RAPH1: variants seen among roughly 807,000 people sequenced by gnomAD.
RAPH1 encodes the protein Ras association (RalGDS/AF-6) and pleckstrin homology domains 1.
A neutral mutation model predicts 88.1 loss-of-function variants in RAPH1; 18 were observed. The observed-to-expected ratio is 0.20, with a 90% CI of 0.14 to 0.30. The LOEUF is 0.30. Ranked by LOEUF, RAPH1 falls within the 10% of genes least tolerant of loss-of-function variation. The pLI is 1.00. For synonymous variants in RAPH1, 587 were observed against 559.0 expected (o/e 1.05, Z -0.71); for missense variants, 1,448 against 1,543.2 (o/e 0.94, Z 1.03).
intron 1 of RAPH1, among the ~76,000 whole-genome samples, chr2:203,521,737 C>G (rs77317676): frequency 7.9e-5 from 12 of 152,124 alleles, no homozygotes; most frequent in Non-Finnish European, 1.6e-4. Context: ...AACACCCCCC[C>G]ACACATTATA....
chr2:203,502,592 C>T (rs1280308200), intron 1 of RAPH1, among the ~76,000 whole-genome samples: 8 of 152,152 alleles, frequency 5.3e-5, no homozygotes, highest in African/African-American at 1.4e-4. Flanking sequence ...GAGGCCGAGG[C>T]GGGCGGATCA....
chr2:203,531,401 TAA>T (rs34572980), intron 1 of RAPH1, among the ~76,000 whole-genome samples: 10 of 147,530 alleles, frequency 6.8e-5, no homozygotes, highest in African/African-American at 2.2e-4. Flanking sequence ...ACTTGAAGTA[TAA>T]AAAAAAAAAT....
At chr2:203,490,196 C>G in intron 3 of RAPH1, 107 bp from the exon 4 acceptor site, 1 of 1,114,840 alleles carries the variant, frequency 9.0e-7, no homozygotes, top group South Asian at 1.9e-5. Context: ...GGGCCTAAAG[C>G]AAATAAAATT....
intron 1 of RAPH1, among the ~76,000 whole-genome samples, chr2:203,526,965 G>C (rs1690150505): frequency 6.6e-6 from 1 of 151,890 alleles, no homozygotes; most frequent in Non-Finnish European, 1.5e-5. Context: ...TGTGTTTTTA[G>C]TAGAGACAGG....
chr2:203,505,757 A>G (rs555620362), intron 1 of RAPH1, among the ~76,000 whole-genome samples: 6 of 152,340 alleles, frequency 3.9e-5, no homozygotes, highest in South Asian at 4.1e-4. Context: ...GTGAGACAGT[A>G]AATTTCTGTT....
At chr2:203,482,040 A>G (rs1687755223) in intron 4 of RAPH1, among the ~76,000 whole-genome samples, 1 of 151,826 alleles carries the variant, frequency 6.6e-6, no homozygotes, top group Non-Finnish European at 1.5e-5. Flanking sequence ...ACAGATTTCC[A>G]AGAAACACCA....
chr2:203,442,815 T>C (rs1419850151), intron 13 of RAPH1: 2 of 152,348 alleles, frequency 1.3e-5, no homozygotes, highest in Admixed American at 6.5e-5. Context: ...GTGATTTTGT[T>C]TTCCTTGGCC....
intron 4 of RAPH1, among the ~76,000 whole-genome samples, chr2:203,473,525 GT>G (rs1022317803): frequency 1.3e-5 from 2 of 152,092 alleles, no homozygotes; most frequent in African/African-American, 4.8e-5. Context: ...AGAAATTGTG[GT>G]TTTGGTTCAG....
chr2:203,473,568 CA>C (rs933192526), intron 4 of RAPH1, among the ~76,000 whole-genome samples: 52 of 152,092 alleles, frequency 3.4e-4, no homozygotes, highest in Admixed American at 2.7e-3. Context: ...CCCTTGATTA[CA>C]GGGGAAAAAA....
intron 1 of RAPH1, among the ~76,000 whole-genome samples, chr2:203,498,192 CT>C (rs894934474): frequency 8.5e-5 from 13 of 152,208 alleles, no homozygotes; most frequent in African/African-American, 3.1e-4. Context: ...GCCTGCAGCA[CT>C]GTTGTCCAAC....
chr2:203,508,392 C>T (rs1689188226), intron 1 of RAPH1, among the ~76,000 whole-genome samples: 1 of 151,990 alleles, frequency 6.6e-6, no homozygotes, highest in Non-Finnish European at 1.5e-5. Context: ...CTCGGCCTCC[C>T]AAAGTGTTGG....
chr2:203,516,850 G>A (rs1228661708), intron 1 of RAPH1, among the ~76,000 whole-genome samples: 6 of 152,182 alleles, frequency 3.9e-5, no homozygotes, highest in South Asian at 2.1e-4. Flanking sequence ...TGGCTAACAC[G>A]GTGACACCCC....
chr2:203,504,044 C>T (rs778612414), intron 1 of RAPH1, among the ~76,000 whole-genome samples: 6 of 152,178 alleles, frequency 3.9e-5, no homozygotes, highest in East Asian at 1.9e-4. Context: ...GCTGCTTTCA[C>T]GGGCTGGCAT....
At chr2:203,457,662 T>G in intron 7 of RAPH1, 67 bp from the exon 8 acceptor site, 1 of 1,138,004 alleles carries the variant, frequency 8.8e-7, no homozygotes, top group Non-Finnish European at 1.3e-6. Flanking sequence ...CATAAATCCA[T>G]TCTGTTATTC....
At chr2:203,467,618 T>A (rs1012510198) in intron 4 of RAPH1, among the ~76,000 whole-genome samples, 1 of 151,946 alleles carries the variant, frequency 6.6e-6, no homozygotes, top group Non-Finnish European at 1.5e-5. Context: ...ATAAAAATTT[T>A]AAAAATTCGC....
At position 203,444,956 on chromosome 2, in the gene RAPH1, G is replaced by A; in HGVS notation, c.1688C>T (p.Pro563Leu). The change falls in exon 13 of 14, where the codon CCA becomes CTA. Residue 563 changes from proline to leucine, a missense_variant. Pro to Leu is a moderately conservative substitution (Grantham distance 98). Coordinates refer to ENST00000319170, the MANE Select transcript of RAPH1 (RefSeq NM_213589.3). ...QSDSGVSDTQ[P>L]AGHVRSQSIV... is the part of the protein sequence containing the mutation. ...GCTCTGGGAACGGACGTGTCCTGCT[G>A]GCTGGGTGTCAGAAACTCCGCTATC... 6.2e-7 allele frequency: 1 copy of A among 1,614,092 alleles called. No individual in the cohort carries two copies. Among genetic ancestry groups the A allele is most frequent in the Non-Finnish European group, 8.5e-7 (1 of 1,179,964 alleles).
At chr2:203,527,152 A>G (rs1177179220) in intron 1 of RAPH1, among the ~76,000 whole-genome samples, 1 of 152,216 alleles carries the variant, frequency 6.6e-6, no homozygotes, top group Non-Finnish European at 1.5e-5. Context: ...CCCAGGATGT[A>G]TGAGTGATGA....
intron 4 of RAPH1, among the ~76,000 whole-genome samples, chr2:203,477,512 T>C (rs1687518529): frequency 6.6e-6 from 1 of 152,176 alleles, no homozygotes; most frequent in South Asian, 2.1e-4. Flanking sequence ...TTTTTCCCCT[T>C]ATGTTATACC....
At chr2:203,491,464 G>A in intron 2 of RAPH1, 145 bp from the exon 3 acceptor site, 1 of 531,010 alleles carries the variant, frequency 1.9e-6, no homozygotes, top group Non-Finnish European at 3.3e-6. Context: ...TTAAGGAAAA[G>A]TATAATTGTA....
Sources: gnomAD v4.1 joint callset for allele counts (sites outside exome capture counted in the v4.1 genomes callset) on GRCh38, gnomAD v4.1.1 for gene constraint, MANE v1.5 for transcripts, NCBI Gene and HGNC (gene_info 2026-07-23, HGNC 2026-07-21) for gene names.